Variants in SRD5A2 observed in about 807,000 individuals in gnomAD.
SRD5A2 encodes steroid 5 alpha-reductase 2.
In SRD5A2, 30 loss-of-function variants were observed where a neutral mutation model predicts 27.4. The observed-to-expected ratio is 1.10, with a 90% confidence interval of 0.82 to 1.49. The LOEUF (loss-of-function observed/expected upper bound fraction) is 1.49. SRD5A2 is among the 40% of genes most tolerant of loss of function. The pLI is 0.00. For missense variants in SRD5A2, 348 were observed against 323.4 expected (o/e 1.08, Z -0.58); for synonymous variants, 141 against 133.6 (o/e 1.06, Z -0.38).
intron 1 of SRD5A2, among the ~76,000 whole-genome samples, chr2:31,564,458 T>G (rs1211836834): frequency 2.6e-5 from 4 of 151,952 alleles, no homozygotes; most frequent in Admixed American, 2.0e-4. Flanking sequence ...GATATTTTCC[T>G]CAGCAAAAGA....
intron 1 of SRD5A2, among the ~76,000 whole-genome samples, chr2:31,534,962 T>C (rs970847724): frequency 1.3e-5 from 2 of 152,178 alleles, no homozygotes; most frequent in Non-Finnish European, 2.9e-5. Context: ...AAGAAGCACA[T>C]TTTAAATTAT....
the SRD5A2 span, among the ~76,000 whole-genome samples, chr2:31,601,241 T>A: frequency 2.4e-4 from 36 of 151,476 alleles, no homozygotes; most frequent in East Asian, 6.2e-3. Flanking sequence ...AAGGGGGATA[T>A]CTCCTACCCC....
At chr2:31,599,945 C>T in the SRD5A2 span, among the ~76,000 whole-genome samples, 2 of 151,320 alleles carry the variant, frequency 1.3e-5, no homozygotes, top group Admixed American at 6.6e-5. Flanking sequence ...ATTAAGCCTA[C>T]TACCCATTAG....
At chr2:31,645,811 T>C in the SRD5A2 span, among the ~76,000 whole-genome samples, 35 of 152,276 alleles carry the variant, frequency 2.3e-4, no homozygotes, top group African/African-American at 7.5e-4. Context: ...AAATGTGCAA[T>C]TGATTGATGT....
intron 1 of SRD5A2, among the ~76,000 whole-genome samples, chr2:31,565,495 T>G (rs1666711646): frequency 6.6e-6 from 1 of 151,802 alleles, no homozygotes; most frequent in Admixed American, 6.6e-5. Context: ...AAAAGTAAAA[T>G]GTTGGAATAA....
the SRD5A2 span, among the ~76,000 whole-genome samples, chr2:31,653,549 C>A: frequency 3.3e-5 from 5 of 152,160 alleles, no homozygotes; most frequent in African/African-American, 4.8e-5. Flanking sequence ...CTGAATGATA[C>A]AACTCCCAAA....
intron 1 of SRD5A2, among the ~76,000 whole-genome samples, chr2:31,550,833 C>T (rs1335032247): frequency 6.6e-6 from 1 of 151,892 alleles, no homozygotes; most frequent in African/African-American, 2.4e-5. Flanking sequence ...CAAAGATGTG[C>T]ATTCTTACTA....
At chr2:31,634,950 T>G in the SRD5A2 span, among the ~76,000 whole-genome samples, 1 of 152,152 alleles carries the variant, frequency 6.6e-6, no homozygotes. Context: ...GGACACTGCT[T>G]GAATCTGTAT....
intron 1 of SRD5A2, among the ~76,000 whole-genome samples, chr2:31,555,032 G>A (rs1386171335): frequency 6.6e-6 from 1 of 151,140 alleles, no homozygotes; most frequent in South Asian, 2.1e-4. Flanking sequence ...ATAAGGTAAT[G>A]TGCCCAAGGC....
the SRD5A2 span, among the ~76,000 whole-genome samples, chr2:31,599,931 G>T: frequency 2.0e-5 from 3 of 151,752 alleles, no homozygotes; most frequent in South Asian, 2.1e-4. Context: ...TTAATCACCC[G>T]GGTATTAAGC....
the SRD5A2 span, among the ~76,000 whole-genome samples, chr2:31,593,350 C>A: frequency 6.6e-6 from 1 of 151,892 alleles, no homozygotes; most frequent in African/African-American, 2.4e-5. Flanking sequence ...AAGACAATCA[C>A]AACTTCTTGA....
At chr2:31,580,594 G>A (rs781510075) in intron 1 of SRD5A2, 26 bp downstream of exon 1, 3 of 1,503,754 alleles carry the variant, frequency 2.0e-6, no homozygotes, top group Non-Finnish European at 2.7e-6. Flanking sequence ...GCGCTGCACT[G>A]GGCGCCCGCA....
intron 1 of SRD5A2, among the ~76,000 whole-genome samples, chr2:31,574,632 A>G (rs1312442432): frequency 6.6e-6 from 1 of 152,250 alleles, no homozygotes; most frequent in Non-Finnish European, 1.5e-5. Context: ...TTTCCCATAA[A>G]AGTTCAAATA....
At chr2:31,590,795 T>A in the SRD5A2 span, among the ~76,000 whole-genome samples, 157 of 152,278 alleles carry the variant, frequency 1.0e-3, no homozygotes, top group African/African-American at 3.5e-3. Flanking sequence ...AACTATCTGA[T>A]CTTTGACAAA....
chr2:31,650,243 G>A, the SRD5A2 span, among the ~76,000 whole-genome samples: 143 of 152,234 alleles, frequency 9.4e-4, no homozygotes, highest in African/African-American at 3.1e-3. Context: ...ATTCTCACGC[G>A]TGAGATGGTG....
chr2:31,590,124 G>A, the SRD5A2 span, among the ~76,000 whole-genome samples: 1 of 152,066 alleles, frequency 6.6e-6, no homozygotes, highest in East Asian at 1.9e-4. Flanking sequence ...TGCCCAAGTA[G>A]CATCAGACCT....
intron 1 of SRD5A2, among the ~76,000 whole-genome samples, chr2:31,534,627 C>T (rs369361907): frequency 6.6e-6 from 1 of 152,352 alleles, no homozygotes; most frequent in Admixed American, 6.5e-5. Flanking sequence ...TGCACACACA[C>T]ATGTACAAAT....
chr2:31,610,166 T>C, the SRD5A2 span, among the ~76,000 whole-genome samples: 1 of 152,294 alleles, frequency 6.6e-6, no homozygotes, highest in East Asian at 1.9e-4. Context: ...TTCAAATTTA[T>C]TTTATGTGGT....
chr2:31,636,875 A>G, the SRD5A2 span, among the ~76,000 whole-genome samples: 8 of 152,196 alleles, frequency 5.3e-5, no homozygotes, highest in South Asian at 1.5e-3. Flanking sequence ...TAAGTTTGCT[A>G]GCATTTGGTT....
Sources: gnomAD v4.1 joint callset for allele counts (sites outside exome capture counted in the v4.1 genomes callset) on GRCh38, gnomAD v4.1.1 for gene constraint, MANE v1.5 for transcripts, NCBI Gene and HGNC (gene_info 2026-07-23, HGNC 2026-07-21) for gene names.